Variants in GALNT13 observed in about 807,000 individuals in gnomAD.
GALNT13 encodes UDP-GalNAc:polypeptide N-acetylgalactosaminyltransferase 13.
Under a neutral mutation model 64.2 loss-of-function variants are expected in GALNT13, and 28 were observed. The observed-to-expected ratio is 0.44, with a 90% CI of 0.32 to 0.60. The LOEUF (loss-of-function observed/expected upper bound fraction) is 0.60, where lower values mean the gene tolerates loss of function less well. Among genes scored for constraint, GALNT13 ranks in the 20% least tolerant of loss-of-function variants. The pLI is 0.05. For synonymous variants in GALNT13, 214 were observed against 224.6 expected (o/e 0.95, Z 0.42); for missense variants, 577 against 669.8 (o/e 0.86, Z 1.53).
chr2:153,429,773 A>C, the GALNT13 span, among the ~76,000 whole-genome samples: 1 of 152,150 alleles, frequency 6.6e-6, no homozygotes, highest in Non-Finnish European at 1.5e-5. Flanking sequence ...AATATTATAC[A>C]TTTGCCTTCT....
At chr2:153,089,568 T>G in the GALNT13 span, among the ~76,000 whole-genome samples, 1 of 152,224 alleles carries the variant, frequency 6.6e-6, no homozygotes, top group South Asian at 2.1e-4. Context: ...TCAAATAAAT[T>G]TTCCTCACTT....
At chr2:153,510,496 C>T in the GALNT13 span, among the ~76,000 whole-genome samples, 2 of 152,254 alleles carry the variant, frequency 1.3e-5, no homozygotes, top group East Asian at 3.9e-4. Flanking sequence ...ATAAAGCCAA[C>T]ACAGGTAACA....
chr2:154,387,089 G>T (rs182331573), intron 9 of GALNT13, among the ~76,000 whole-genome samples: 1 of 152,234 alleles, frequency 6.6e-6, no homozygotes, highest in Admixed American at 6.5e-5. Flanking sequence ...TGTATTATTA[G>T]TTGGAATAGT....
At chr2:153,164,940 A>G in the GALNT13 span, among the ~76,000 whole-genome samples, 2 of 152,242 alleles carry the variant, frequency 1.3e-5, no homozygotes, top group African/African-American at 4.8e-5. Context: ...TCTCCGTACC[A>G]TGGCCAATAC....
At chr2:154,162,157 C>G (rs1168246665) in intron 4 of GALNT13, among the ~76,000 whole-genome samples, 2 of 152,006 alleles carry the variant, frequency 1.3e-5, no homozygotes, top group Non-Finnish European at 2.9e-5. Context: ...CAGAAATAAA[C>G]AACCACTAGA....
chr2:153,336,490 C>T, the GALNT13 span, among the ~76,000 whole-genome samples: 1 of 152,122 alleles, frequency 6.6e-6, no homozygotes, highest in Non-Finnish European at 1.5e-5. Context: ...ATTTGACTGC[C>T]CCCTTGGATT....
the GALNT13 span, among the ~76,000 whole-genome samples, chr2:153,249,174 T>A: frequency 6.6e-6 from 1 of 152,144 alleles, no homozygotes; most frequent in Non-Finnish European, 1.5e-5. Context: ...TAAGCAACAT[T>A]AGCAAAGTTT....
chr2:154,176,070 A>G (rs1156983637), intron 4 of GALNT13, among the ~76,000 whole-genome samples: 2 of 152,066 alleles, frequency 1.3e-5, no homozygotes, highest in Admixed American at 1.3e-4. Flanking sequence ...CAGAAGTGAT[A>G]ACGAAAACAT....
chr2:153,614,314 GA>G, the GALNT13 span, among the ~76,000 whole-genome samples: 6 of 151,964 alleles, frequency 3.9e-5, no homozygotes, highest in Non-Finnish European at 7.4e-5. Context: ...ATACTGTGGT[GA>G]TTAAAGAAAA....
At chr2:153,580,369 G>A in the GALNT13 span, among the ~76,000 whole-genome samples, 13 of 151,968 alleles carry the variant, frequency 8.6e-5, no homozygotes, top group African/African-American at 3.1e-4. Context: ...GTGATGCTAA[G>A]CCATGTCATC....
chr2:153,272,099 C>T, the GALNT13 span, among the ~76,000 whole-genome samples: 1 of 152,080 alleles, frequency 6.6e-6, no homozygotes, highest in Non-Finnish European at 1.5e-5. Flanking sequence ...TTTTCTACAC[C>T]TTATACAAAA....
At chr2:153,924,465 A>G (rs11692437) in intron 2 of GALNT13, among the ~76,000 whole-genome samples, 30,709 of 152,046 alleles carry the variant, frequency 0.2, 4,061 homozygotes, top group Middle Eastern at 0.33. Context: ...TATTGTTGAT[A>G]GACATTTAGA....
the GALNT13 span, among the ~76,000 whole-genome samples, chr2:153,781,083 G>A: frequency 6.6e-6 from 1 of 152,184 alleles, no homozygotes; most frequent in African/African-American, 2.4e-5. Context: ...TTGCAGTAGA[G>A]GGTGACAGAG....
Position 154,301,528 on chromosome 2 carries a change from C to T in GALNT13, c.1095C>T (p.Asn365=), listed in dbSNP as rs1693441289. The change falls in exon 9 of 13, where the codon AAC becomes AAT. Residue 365 remains asparagine (N), a synonymous_variant. Coordinates refer to ENST00000392825, the MANE Select transcript of GALNT13 (RefSeq NM_052917.4). ...CTGGTCATGTCATCAACAAGAACAA[C>T]AGGAGACTGGCAGAAGTTTGGATGG... ...GGTGHVINKN[N]RRLAEVWMDE... 2 of 1,613,294 alleles carry T rather than the reference C, an allele frequency of 1.2e-6. No individual in the cohort carries two copies. Among genetic ancestry groups the T allele is most frequent in the African/African-American group, 1.3e-5 (1 of 74,894 alleles).
chr2:153,412,065 T>C, the GALNT13 span, among the ~76,000 whole-genome samples: 1 of 152,224 alleles, frequency 6.6e-6, no homozygotes, highest in African/African-American at 2.4e-5. Flanking sequence ...CTTTCTCGTG[T>C]GCTGGATGGT....
chr2:153,107,083 C>T, the GALNT13 span, among the ~76,000 whole-genome samples: 71 of 152,162 alleles, frequency 4.7e-4, no homozygotes, highest in Non-Finnish European at 6.3e-4. Flanking sequence ...TTCTGTTTAT[C>T]TGTTCATCTT....
chr2:154,115,953 C>A (rs994201018), intron 3 of GALNT13, among the ~76,000 whole-genome samples: 1 of 152,152 alleles, frequency 6.6e-6, no homozygotes, highest in Non-Finnish European at 1.5e-5. Flanking sequence ...ACACTCTGAA[C>A]CTTACCTCTA....
the GALNT13 span, among the ~76,000 whole-genome samples, chr2:153,250,984 G>A: frequency 6.6e-6 from 1 of 152,092 alleles, no homozygotes; most frequent in African/African-American, 2.4e-5. Flanking sequence ...CATGGCATAT[G>A]TATACCTCTG....
chr2:153,838,346 C>A, the GALNT13 span, among the ~76,000 whole-genome samples: 1 of 151,736 alleles, frequency 6.6e-6, no homozygotes, highest in Non-Finnish European at 1.5e-5. Context: ...ATGTGGTTTT[C>A]CCCCTATATT....
Sources: allele counts gnomAD v4.1 joint callset (sites outside exome capture counted in the v4.1 genomes callset), GRCh38; gene constraint gnomAD v4.1.1; transcripts MANE v1.5; gene names NCBI Gene and HGNC (gene_info 2026-07-23, HGNC 2026-07-21).